Variants in COL6A3 observed in about 807,000 individuals in gnomAD.
COL6A3 encodes the protein collagen alpha-3(VI) chain.
Under a neutral mutation model 274.1 loss-of-function variants are expected in COL6A3, and 137 were observed. The observed-to-expected ratio is 0.50, with a 90% CI of 0.44 to 0.58. The LOEUF (loss-of-function observed/expected upper bound fraction) is 0.58. Ranked by LOEUF, COL6A3 falls within the 20% of genes least tolerant of loss-of-function variation. The probability of loss-of-function intolerance (pLI) is 0.00; values close to 1 mark genes in which losing one functional copy is unlikely to be tolerated. For missense variants in COL6A3, 3,950 were observed against 4,124.9 expected, an observed-to-expected ratio of 0.96 and a Z score of 1.16; for synonymous variants, 1,650 against 1,650.6, an observed-to-expected ratio of 1.00 and a Z score of 0.01.
rs759721812 is a variant in COL6A3, at chr2:237,388,203, C to CA, written c.710-20dup. ...TCTTGTGCTTTAAAAGAAAGAAATG[C>CA]AAAAAATGTGAAAGCATTAGAACAA... is the stretch of plus-strand genomic sequence containing the variant. On this transcript the variant is annotated intron_variant, in intron 3 of 43. Transcript: ENST00000295550. The CA allele has an allele frequency of 8.2e-5, 133 of 1,612,898 alleles. No homozygotes were observed. The Middle Eastern group carries it at 1.2e-3, about 14-fold the overall frequency.
intron 31 of COL6A3, among the ~76,000 whole-genome samples, chr2:237,347,226 G>A (rs2106327566): frequency 6.6e-6 from 1 of 151,916 alleles, no homozygotes; most frequent in African/African-American, 2.4e-5. Context: ...AGTGAGCCAA[G>A]ATGGCACCAC....
rs145136426 is a variant in COL6A3 at position 237,341,038 on chromosome 2, G to A, written c.7878C>T (p.Ser2626=). The part of the protein sequence containing the change: ...VDIDMAFILD[S]AETTTLFQFN... ...ACTGGAACAGGGTGGTGGTCTCAGC[G>A]CTGTCTAAGATGAAAGCCATGTCGA... The change falls in exon 38 of 44, where the codon AGC becomes AGT. Residue 2626 remains serine (S), a synonymous_variant. Transcript: ENST00000295550. 2.2e-5 allele frequency: 36 copies of A among 1,614,094 alleles called. No individual in the cohort carries two copies. Among genetic ancestry groups the A allele is most frequent in the Non-Finnish European group, 2.4e-5 (28 of 1,180,024 alleles).
chr2:237,360,005 G>T, intron 17 of COL6A3, 83 bp downstream of exon 17: 1 of 1,403,060 alleles, frequency 7.1e-7, no homozygotes, highest in Non-Finnish European at 1.0e-6. Flanking sequence ...CTGGACCAGC[G>T]CCTCCCTCCC....
Position 237,391,607 on chromosome 2 carries a change from ACTGCAACCTCCACCTC to A in COL6A3, c.709+2964_709+2979del, listed in dbSNP as rs1477007171. 2.0e-5 allele frequency among the ~76,000 whole-genome samples: 3 copies of A among 152,006 alleles called. No individual in the cohort carries two copies. In the East Asian group the frequency reaches 5.8e-4, roughly 29 times the overall value. On this transcript the variant is annotated intron_variant, in intron 3 of 43. Transcript: ENST00000295550. ...GAGTGCAGTGTCACAAATTTGGCTC[ACTGCAACCTCCACCTC>A]CTGGATTCAAGCGATTCTCCTGCCT...
chr2:237,398,146 A>G (rs139794082), intron 1 of COL6A3, among the ~76,000 whole-genome samples: 107 of 152,358 alleles, frequency 7.0e-4, no homozygotes, highest in African/African-American at 2.2e-3. Context: ...CATATTCTCT[A>G]TTAATATTTA....
intron 1 of COL6A3, among the ~76,000 whole-genome samples, chr2:237,402,672 G>A (rs1219786247): frequency 1.3e-5 from 2 of 152,192 alleles, no homozygotes; most frequent in African/African-American, 2.4e-5. Flanking sequence ...CATGCAAAAT[G>A]TTAGGGTTTG....
rs2077578050 is a variant in COL6A3 at position 237,367,294 on chromosome 2, T to G, written c.4901-8A>C. The G allele has an allele frequency of 6.2e-7, 1 of 1,608,764 alleles. No individual in the cohort carries two copies. Among genetic ancestry groups the G allele is most frequent in the Non-Finnish European group, 8.5e-7 (1 of 1,177,678 alleles). ...TGTCTGCTTTCTTCTTCTCTAGAAG[T>G]GATTAAAGTGAAAATAAGGAGAGAT... On this transcript the variant is annotated splice_region_variant and splice_polypyrimidine_tract_variant and intron_variant, in intron 10 of 43. Transcript: ENST00000295550.
At chr2:237,405,795 T>G (rs1326868074) in intron 1 of COL6A3, among the ~76,000 whole-genome samples, 1 of 152,118 alleles carries the variant, frequency 6.6e-6, no homozygotes, top group African/African-American at 2.4e-5. Flanking sequence ...AAACTCCCCA[T>G]GCCTTTTGGG....
intron 41 of COL6A3, 142 bp from the exon 42 acceptor site, chr2:237,333,690 A>G: frequency 1.4e-6 from 1 of 727,838 alleles, no homozygotes. Flanking sequence ...GATCCAAGAC[A>G]CCTCTACATC....
chr2:237,333,550 T>C lies in COL6A3; in HGVS notation c.9230-2A>G, dbSNP rs759035020. 1.9e-6 allele frequency: 3 copies of C among 1,613,352 alleles called. No homozygotes were observed. The highest frequency in any genetic ancestry group is 8.5e-7 in the Non-Finnish European group (1 of 1,179,416). On this transcript the variant is annotated splice_acceptor_variant, in intron 41 of 43. Transcript: ENST00000295550. LOFTEE classifies it high-confidence loss of function. ...GTGGAGGTGGGGGCTGAGATTTCTC[T>C]ATAAAAGAAAAATATATGCAACTCG...
intron 22 of COL6A3, 62 bp from the exon 23 acceptor site, chr2:237,357,453 T>C: frequency 1.4e-6 from 2 of 1,441,828 alleles, no homozygotes; most frequent in Non-Finnish European, 9.8e-7. Context: ...AGCTCTGAAA[T>C]GCTGCACAAG....
intron 4 of COL6A3, among the ~76,000 whole-genome samples, chr2:237,383,653 C>A (rs2078068957): frequency 1.3e-5 from 2 of 152,050 alleles, no homozygotes; most frequent in African/African-American, 2.4e-5. Context: ...TAGACAAATA[C>A]TCATATAACA....
At chr2:237,357,001 T>G in intron 23 of COL6A3, 1 of 403,148 alleles carries the variant, frequency 2.5e-6, no homozygotes, top group Non-Finnish European at 4.5e-6. Flanking sequence ...TCTTGCCCCT[T>G]ATTCCCTCCC....
chr2:237,395,512 C>T (rs1236685595), intron 2 of COL6A3, among the ~76,000 whole-genome samples: 1 of 152,198 alleles, frequency 6.6e-6, no homozygotes. Flanking sequence ...GTATGATTCC[C>T]TGTGGCAGTT....
chr2:237,334,627 T>G lies in COL6A3; in HGVS notation c.9228A>C (p.Thr3076=). Residue 3076 remains threonine (T), a splice_region_variant and synonymous_variant, in exon 41 of 44, where the codon ACA becomes ACC. Coordinates refer to ENST00000295550, the MANE Select transcript of COL6A3 (RefSeq NM_004369.4). ...VRATYHGSFS[T]KKSQPPPPQP... ...GACTTGTACTGATCATGTACTTACT[T>G]GTACTGAAACTTCCGTGGTAGGTGG... 1 of 1,613,302 alleles carries G rather than the reference T, an allele frequency of 6.2e-7. No individual in the cohort carries two copies. Among genetic ancestry groups the G allele is most frequent in the Non-Finnish European group, 8.5e-7 (1 of 1,180,022 alleles).
chr2:237,359,358 A>T lies in COL6A3; in HGVS notation c.6309+4T>A. On this transcript the variant is annotated splice_donor_region_variant and intron_variant, in intron 18 of 43. Coordinates refer to ENST00000295550, the MANE Select transcript of COL6A3 (RefSeq NM_004369.4). The stretch of plus-strand genomic sequence containing the variant: ...ATTTGTAAAACAAAACCAAGCTTGC[A>T]TACCTTCTCTCCTGGGAATCCCCGA... 2.5e-6 allele frequency: 4 copies of T among 1,614,100 alleles called. No individual in the cohort carries two copies. The highest frequency in any genetic ancestry group is 3.4e-6 in the Non-Finnish European group (4 of 1,180,018).
chr2:237,361,651 C>G lies in COL6A3; in HGVS notation c.6156+88G>C. 8.3e-7 allele frequency: 1 copy of G among 1,205,862 alleles called. No individual in the cohort carries two copies. The highest frequency in any genetic ancestry group is 2.3e-5 in the East Asian group (1 of 43,076). 74.7% of individuals were successfully genotyped at this position (1,205,862 alleles called of 1,614,324 possible). A position where few individuals can be genotyped will look rare whatever the true frequency, so the allele number is the denominator to read the frequency against. ...TCTCGTCTCCTCCTTCATCTCCACA[C>G]TCTTCTGTTAGAGAAATTACCCCAC... On this transcript the variant is annotated intron_variant, in intron 15 of 43. Coordinates refer to ENST00000295550, the MANE Select transcript of COL6A3 (RefSeq NM_004369.4). The surrounding 1 kb of genome is among the most constrained non-coding windows in gnomAD (Gnocchi z 5.1).
At chr2:237,333,335 T>C (rs966448225) in intron 42 of COL6A3, 115 bp downstream of exon 42, 5 of 921,750 alleles carry the variant, frequency 5.4e-6, no homozygotes, top group Non-Finnish European at 7.0e-6. Flanking sequence ...GACGTGGACC[T>C]TTTCCCCCAT....
At chr2:237,333,356 C>T (rs527353161) in intron 42 of COL6A3, 94 bp downstream of exon 42, 2 of 1,170,568 alleles carry the variant, frequency 1.7e-6, no homozygotes, top group African/African-American at 1.5e-5. Context: ...AGAAGTCATG[C>T]CTGGGCTAAG....
Sources: allele counts gnomAD v4.1 joint callset (sites outside exome capture counted in the v4.1 genomes callset), GRCh38; gene constraint gnomAD v4.1.1; non-coding constraint Gnocchi (gnomAD v3.1); transcripts MANE v1.5; gene names NCBI Gene and HGNC (gene_info 2026-07-23, HGNC 2026-07-21).